The following SHISA6 variants were observed in gnomAD, a reference collection of about 807,000 sequenced individuals.
The protein encoded by SHISA6 is shisa family member 6, also known as protein shisa-6.
Under a neutral mutation model 47.9 loss-of-function variants are expected in SHISA6, and 22 were observed. That is an observed-to-expected ratio of 0.46 (90% CI 0.33 to 0.66). The LOEUF (loss-of-function observed/expected upper bound fraction) is 0.66. Among genes scored for constraint, SHISA6 ranks in the 30% least tolerant of loss-of-function variants. The pLI is 0.02. For synonymous variants in SHISA6, 388 were observed against 337.8 expected (o/e 1.15, Z -1.63); for missense variants, 680 against 764.6 (o/e 0.89, Z 1.30).
rs186322217 is a variant in SHISA6, at chr17:11,251,298, G to A, written c.638+9238G>A. Among the ~76,000 whole-genome samples the A allele has an allele frequency of 6.6e-4, 100 of 152,200 alleles. 1 individual carries two copies. The highest frequency in any genetic ancestry group is 2.3e-3 in the African/African-American group (96 of 41,514). ...ACGGCGGCCCCCATTTAGATTGCAT[G>A]CAGGCAGCAAGATCCTCAGGGCAGT... On this transcript the variant is annotated intron_variant, in intron 1 of 5. Transcript: ENST00000441885.
chr17:11,274,821 A>G (rs1908819044), intron 2 of SHISA6, among the ~76,000 whole-genome samples: 1 of 152,200 alleles, frequency 6.6e-6, no homozygotes, highest in Admixed American at 6.5e-5. Context: ...CTCCAGAATT[A>G]TAGGCCACAT....
chr17:11,440,461 G>A (rs549721441), intron 3 of SHISA6, among the ~76,000 whole-genome samples: 5 of 151,828 alleles, frequency 3.3e-5, no homozygotes, highest in East Asian at 2.0e-4. Context: ...GCCTTGCCCC[G>A]GGAGTGAATG....
At chr17:11,275,126 G>C (rs986925896) in intron 2 of SHISA6, among the ~76,000 whole-genome samples, 6 of 152,074 alleles carry the variant, frequency 3.9e-5, no homozygotes, top group Non-Finnish European at 7.3e-5. Flanking sequence ...TTCTAGTGTG[G>C]AAGGCTGCTC....
At chr17:11,360,885 A>G (rs543460746) in intron 2 of SHISA6, among the ~76,000 whole-genome samples, 1 of 151,580 alleles carries the variant, frequency 6.6e-6, no homozygotes, top group African/African-American at 2.4e-5. Context: ...GGTGGCAGGC[A>G]CCCTAACATG....
chr17:11,261,780 A>C (rs117153612), intron 1 of SHISA6, among the ~76,000 whole-genome samples: 11 of 152,186 alleles, frequency 7.2e-5, no homozygotes, highest in Admixed American at 1.3e-4. Flanking sequence ...TTTGTACACA[A>C]GTTTAATGCA....
chr17:11,296,977 A>G (rs143904295), intron 2 of SHISA6, among the ~76,000 whole-genome samples: 214 of 152,300 alleles, frequency 1.4e-3, no homozygotes, highest in African/African-American at 4.8e-3. Flanking sequence ...GTCAACCGCA[A>G]CCTCAGAAAG....
chr17:11,317,995 A>C (rs1334426470), intron 2 of SHISA6, among the ~76,000 whole-genome samples: 1 of 152,118 alleles, frequency 6.6e-6, no homozygotes, highest in Non-Finnish European at 1.5e-5. Flanking sequence ...GGATTATTAC[A>C]CTTCTGCATT....
intron 2 of SHISA6, among the ~76,000 whole-genome samples, chr17:11,307,398 G>A (rs75586325): frequency 0.035 from 5,344 of 152,166 alleles, 320 homozygotes; most frequent in African/African-American, 0.12. Flanking sequence ...GTCATTGTCC[G>A]TGTCTGCATA....
At chr17:11,439,956 A>T (rs745663530) in intron 3 of SHISA6, among the ~76,000 whole-genome samples, 7 of 152,190 alleles carry the variant, frequency 4.6e-5, no homozygotes, top group Non-Finnish European at 1.0e-4. Flanking sequence ...CCCTAATTGC[A>T]CTTTGGTGGA....
intron 3 of SHISA6, among the ~76,000 whole-genome samples, chr17:11,434,320 C>T (rs542266021): frequency 2.6e-5 from 4 of 152,290 alleles, no homozygotes; most frequent in African/African-American, 9.6e-5. Context: ...ACCTCAGTCT[C>T]CCAAAGTGCT....
chr17:11,519,667 G>T (rs1167584307), intron 3 of SHISA6, among the ~76,000 whole-genome samples: 1 of 151,924 alleles, frequency 6.6e-6, no homozygotes. Flanking sequence ...ATTTTTTCAC[G>T]ATTAAAAACA....
chr17:11,432,492 A>G (rs1914809174), intron 3 of SHISA6, among the ~76,000 whole-genome samples: 2 of 152,334 alleles, frequency 1.3e-5, no homozygotes, highest in South Asian at 2.1e-4. Context: ...TATGTTCTAT[A>G]TGGGCAGTTA....
At chr17:11,404,701 C>T (rs577627609) in intron 3 of SHISA6, among the ~76,000 whole-genome samples, 9 of 152,274 alleles carry the variant, frequency 5.9e-5, no homozygotes, top group African/African-American at 1.9e-4. Context: ...CACTACACCC[C>T]CACGTACAGA....
intron 2 of SHISA6, among the ~76,000 whole-genome samples, chr17:11,296,450 T>A (rs1267321888): frequency 6.6e-6 from 1 of 152,048 alleles, no homozygotes; most frequent in Non-Finnish European, 1.5e-5. Context: ...GTGTGGGGAT[T>A]GTATGGATTA....
In SHISA6 at chr17:11,540,581, T is replaced by C. The variant is rs1162190247; in HGVS notation, c.896-11315T>C. The stretch of plus-strand genomic sequence containing the variant: ...GTTCCATACATCCTGCTAACACTTT[T>C]GAATGTAGTCCTTTTGTTAAAGTCC... On this transcript the variant is annotated intron_variant, in intron 3 of 5. Transcript: ENST00000441885. 2.0e-5 allele frequency among the ~76,000 whole-genome samples: 3 copies of C among 152,336 alleles called. No individual in the cohort carries two copies. In the East Asian group the frequency reaches 5.8e-4, roughly 29 times the overall value.
intron 3 of SHISA6, among the ~76,000 whole-genome samples, chr17:11,541,613 A>G (rs887108044): frequency 6.6e-6 from 1 of 152,242 alleles, no homozygotes; most frequent in African/African-American, 2.4e-5. Flanking sequence ...ATCCCAGACA[A>G]TATTCTAACT....
intron 3 of SHISA6, among the ~76,000 whole-genome samples, chr17:11,493,911 TCTA>T (rs1417223354): frequency 2.4e-3 from 282 of 116,088 alleles, no homozygotes; most frequent in African/African-American, 7.7e-3. Flanking sequence ...TGTTCTCCCT[TCTA>T]TTTTTTTTTT....
intron 2 of SHISA6, among the ~76,000 whole-genome samples, chr17:11,305,036 G>A (rs1271897074): frequency 6.6e-6 from 1 of 152,192 alleles, no homozygotes; most frequent in Admixed American, 6.5e-5. Context: ...ATGTCACATT[G>A]ACCTGTGGTG....
At chr17:11,300,508 G>A (rs1226375376) in intron 2 of SHISA6, among the ~76,000 whole-genome samples, 1 of 152,154 alleles carries the variant, frequency 6.6e-6, no homozygotes, top group Non-Finnish European at 1.5e-5. Context: ...GATGAAGCCT[G>A]TGGGCCATTT....
Sources: allele counts gnomAD v4.1 joint callset (sites outside exome capture counted in the v4.1 genomes callset), GRCh38; gene constraint gnomAD v4.1.1; transcripts MANE v1.5; gene names NCBI Gene and HGNC (gene_info 2026-07-23, HGNC 2026-07-21).